Variants in SPAG16 observed in about 807,000 individuals in gnomAD.
SPAG16 encodes the protein sperm associated antigen 16, also known as sperm-associated antigen 16 protein.
SPAG16 carries 86 observed loss-of-function variants against 80.4 expected under a neutral mutation model. The ratio of observed to expected loss-of-function variants is 1.07; its 90% CI spans 0.90 to 1.28. SPAG16 has a LOEUF of 1.28. Among genes scored for constraint, SPAG16 ranks in the 50% most tolerant of loss-of-function variants. SPAG16 has a pLI of 0.00. For synonymous variants in SPAG16, 294 were observed against 265.9 expected, an observed-to-expected ratio of 1.11 and a Z score of -1.03; for missense variants, 870 against 765.3, an observed-to-expected ratio of 1.14 and a Z score of -1.61.
At chr2:214,403,349 A>G (rs1343959339) in intron 15 of SPAG16, among the ~76,000 whole-genome samples, 1 of 148,558 alleles carries the variant, frequency 6.7e-6, no homozygotes, top group Non-Finnish European at 1.5e-5. Context: ...TTATATTTAT[A>G]TATGAGATAT....
intron 6 of SPAG16, among the ~76,000 whole-genome samples, chr2:213,346,190 A>G (rs1049554951): frequency 3.9e-5 from 6 of 151,912 alleles, no homozygotes; most frequent in African/African-American, 9.7e-5. Flanking sequence ...TTTGTCTGTT[A>G]TTGGTGTATA....
At chr2:214,395,560 T>A (rs563422536) in intron 15 of SPAG16, among the ~76,000 whole-genome samples, 16 of 152,318 alleles carry the variant, frequency 1.1e-4, no homozygotes, top group Admixed American at 3.3e-4. Flanking sequence ...AGTTTCAATG[T>A]GCAGATTTGT....
At chr2:213,549,317 G>A (rs1407538084) in intron 10 of SPAG16, among the ~76,000 whole-genome samples, 1 of 151,442 alleles carries the variant, frequency 6.6e-6, no homozygotes, top group East Asian at 1.9e-4. Context: ...GATTTTATTT[G>A]ATGCATTATT....
In SPAG16 at chr2:213,938,865, T is replaced by G. The variant is rs532853975; in HGVS notation, c.1400+8720T>G. 2.9e-3 allele frequency among the ~76,000 whole-genome samples: 279 copies of G among 95,012 alleles called. 2 individuals carry two copies. The highest frequency in any genetic ancestry group is 7.1e-3 in the African/African-American group (265 of 37,250). The allele number at this position is 95,012 out of a possible 152,430, so 62.3% of individuals were successfully genotyped here. A position where few individuals can be genotyped will look rare whatever the true frequency, so the allele number is the denominator to read the frequency against. Reference sequence around the variant, plus strand: ...TTCTATTTAGATAATAAAGATGAGGTTTTTTTTTCTCTTAAAGGACTAGGA... The same window carrying G: ...TTCTATTTAGATAATAAAGATGAGGGTTTTTTTTCTCTTAAAGGACTAGGA... On this transcript the variant is annotated intron_variant, in intron 12 of 15. Transcript: ENST00000331683.
At position 213,959,304 on chromosome 2, in the gene SPAG16, T is replaced by C. The variant is rs367580873; in HGVS notation, c.1400+29159T>C. On this transcript the variant is annotated intron_variant, in intron 12 of 15. Coordinates refer to ENST00000331683, the MANE Select transcript of SPAG16 (RefSeq NM_024532.5). ...TTATATTCCTGTCTTTCACTACATG[T>C]GGTGTCATAAATTTGTGTAATATAG... 6.6e-5 allele frequency among the ~76,000 whole-genome samples: 10 copies of C among 152,382 alleles called. No individual in the cohort carries two copies. In the South Asian group the frequency reaches 1.4e-3, roughly 22 times the overall value.
intron 10 of SPAG16, among the ~76,000 whole-genome samples, chr2:213,490,830 C>G (rs887942404): frequency 5.9e-5 from 9 of 152,084 alleles, no homozygotes; most frequent in African/African-American, 2.2e-4. Flanking sequence ...TTCAAGAAAT[C>G]TAAGACTTAT....
intron 10 of SPAG16, among the ~76,000 whole-genome samples, chr2:213,815,398 T>A (rs2072463121): frequency 6.6e-6 from 1 of 152,180 alleles, no homozygotes; most frequent in African/African-American, 2.4e-5. Flanking sequence ...TCTAGGGTAG[T>A]TACAGGACTG....
At chr2:213,570,905 A>G (rs1044358198) in intron 10 of SPAG16, among the ~76,000 whole-genome samples, 6 of 41,084 alleles carry the variant, frequency 1.5e-4, no homozygotes, top group Admixed American at 3.8e-4. Flanking sequence ...GACTTGCTTT[A>G]TGAATCTGGG....
At chr2:213,990,751 A>G (rs531922741) in intron 12 of SPAG16, among the ~76,000 whole-genome samples, 53 of 152,204 alleles carry the variant, frequency 3.5e-4, no homozygotes, top group African/African-American at 1.2e-3. Context: ...AAATCTATGT[A>G]TAAGTGGACT....
chr2:213,303,985 A>ATT (rs1317946742), intron 3 of SPAG16, among the ~76,000 whole-genome samples: 1 of 152,010 alleles, frequency 6.6e-6, no homozygotes, highest in African/African-American at 2.4e-5. Context: ...GGTTGTACTA[A>ATT]TTTACATTTC....
intron 10 of SPAG16, among the ~76,000 whole-genome samples, chr2:213,695,258 A>G (rs778835224): frequency 2.0e-5 from 3 of 152,202 alleles, no homozygotes; most frequent in Non-Finnish European, 2.9e-5. Context: ...CATGACCATC[A>G]GGGCAACTGT....
At chr2:214,348,748 T>C (rs1698215920) in intron 15 of SPAG16, among the ~76,000 whole-genome samples, 1 of 152,164 alleles carries the variant, frequency 6.6e-6, no homozygotes, top group African/African-American at 2.4e-5. Flanking sequence ...GATGACTCTG[T>C]TGGTGCCACG....
chr2:213,573,714 T>C (rs1053631037), intron 10 of SPAG16, among the ~76,000 whole-genome samples: 4 of 152,320 alleles, frequency 2.6e-5, no homozygotes, highest in South Asian at 4.1e-4. Flanking sequence ...ATTTTTGGAG[T>C]TTGGAATTAT....
chr2:213,777,292 G>T (rs1400742744), intron 10 of SPAG16, among the ~76,000 whole-genome samples: 1 of 128,616 alleles, frequency 7.8e-6, no homozygotes, highest in Admixed American at 9.7e-5. Context: ...TGTCGCTCAG[G>T]CTGGAGTGCA....
chr2:214,285,665 T>TGGTGGTG (rs1693301886), intron 15 of SPAG16, among the ~76,000 whole-genome samples: 1 of 151,992 alleles, frequency 6.6e-6, no homozygotes, highest in Non-Finnish European at 1.5e-5. Context: ...TAGCTAGATG[T>TGGTGGTG]GGTGGTGGGT....
At chr2:213,340,917 T>G (rs1353890740) in intron 6 of SPAG16, among the ~76,000 whole-genome samples, 1 of 152,166 alleles carries the variant, frequency 6.6e-6, no homozygotes, top group Admixed American at 6.6e-5. Flanking sequence ...CAGAACTTTT[T>G]GTGATGATAT....
chr2:213,678,654 A>C (rs1335501086), intron 10 of SPAG16, among the ~76,000 whole-genome samples: 2 of 152,092 alleles, frequency 1.3e-5, no homozygotes, highest in Non-Finnish European at 2.9e-5. Flanking sequence ...CAGTTCTTTC[A>C]TGTTTTTCTG....
At chr2:214,083,765 T>C (rs372747961) in intron 13 of SPAG16, among the ~76,000 whole-genome samples, 1 of 152,170 alleles carries the variant, frequency 6.6e-6, no homozygotes. Flanking sequence ...TGACGTTTGG[T>C]ATATGAAACT....
chr2:214,400,259 T>C (rs1201453085), intron 15 of SPAG16, among the ~76,000 whole-genome samples: 1 of 151,894 alleles, frequency 6.6e-6, no homozygotes, highest in African/African-American at 2.4e-5. Flanking sequence ...TTCTGGAGAA[T>C]CAAAGAACTG....
Sources: allele counts gnomAD v4.1 joint callset (sites outside exome capture counted in the v4.1 genomes callset), GRCh38; gene constraint gnomAD v4.1.1; transcripts MANE v1.5; gene names NCBI Gene and HGNC (gene_info 2026-07-23, HGNC 2026-07-21).